Variants in ZNF33B observed in about 807,000 individuals in gnomAD.
ZNF33B encodes the protein zinc finger protein 11b (KOX 2).
A neutral mutation model predicts 45.8 loss-of-function variants in ZNF33B; 29 were observed. The ratio of observed to expected loss-of-function variants is 0.63; its 90% CI spans 0.47 to 0.86. ZNF33B has a LOEUF of 0.86. ZNF33B is among the 40% of genes least tolerant of loss of function. ZNF33B has a pLI of 0.00. For synonymous variants in ZNF33B, 305 were observed against 307.8 expected (o/e 0.99, Z 0.10); for missense variants, 831 against 909.9 (o/e 0.91, Z 1.12).
At chr10:42,577,087 C>T (rs1294086419) in intron 1 of ZNF33B, among the ~76,000 whole-genome samples, 14 of 130,134 alleles carry the variant, frequency 1.1e-4, no homozygotes, top group African/African-American at 3.5e-4. Flanking sequence ...GAGCTGAGAT[C>T]GTGCCATTGC....
At chr10:42,637,066 A>G in intron 1 of ZNF33B, 94 bp from the exon 2 acceptor site, 1 of 1,203,576 alleles carries the variant, frequency 8.3e-7, no homozygotes, top group Non-Finnish European at 1.2e-6. Flanking sequence ...CACACCCACT[A>G]GGTAAAATGC....
intron 4 of ZNF33B, among the ~76,000 whole-genome samples, chr10:42,597,577 A>G (rs576132529): frequency 6.6e-6 from 1 of 152,260 alleles, no homozygotes; most frequent in East Asian, 1.9e-4. Context: ...AGTAACATGT[A>G]TTCTTGGCAA....
rs73266642 is a variant in ZNF33B at position 42,623,545 on chromosome 10, A to G, written c.250+8384T>C. Among the ~76,000 whole-genome samples the G allele has an allele frequency of 1.5e-3, 235 of 152,368 alleles. 1 individual carries two copies. Among genetic ancestry groups the G allele is most frequent in the African/African-American group, 5.4e-3 (225 of 41,586 alleles). ...TGTTACAATACAGATGAAAGCTGAA[A>G]GCATCATGCTAAGTGAAATAAGGCA... On this transcript the variant is annotated intron_variant, in intron 4 of 4. Coordinates refer to ENST00000359467, the MANE Select transcript of ZNF33B (RefSeq NM_006955.3).
At chr10:42,587,720 C>T (rs1675392543), downstream of ZNF33B, among the ~76,000 whole-genome samples, 1 of 152,200 alleles carries the variant, frequency 6.6e-6, no homozygotes, top group African/African-American at 2.4e-5. Context: ...AGTGCCAGGC[C>T]ATGCTCAGGC....
chr10:42,623,185 T>C (rs1408919292), intron 4 of ZNF33B, among the ~76,000 whole-genome samples: 1 of 152,200 alleles, frequency 6.6e-6, no homozygotes, highest in Non-Finnish European at 1.5e-5. Flanking sequence ...GAGAATCACT[T>C]GAACACAGGA....
chr10:42,635,444 T>A (rs185133370), intron 2 of ZNF33B, among the ~76,000 whole-genome samples: 1 of 152,262 alleles, frequency 6.6e-6, no homozygotes, highest in Admixed American at 6.5e-5. Context: ...GTATTCATTA[T>A]TTGCGCCATG....
rs540744521 is a variant in ZNF33B at position 42,592,756 on chromosome 10, G to C, written c.2194C>G (p.Arg732Gly). The change falls in exon 5 of 5, where the codon CGT (arginine) becomes GGT (glycine). Residue 732 changes from arginine (R) to glycine (G), a missense_variant. Transcript: ENST00000359467. ...QCNECGKIFYRKSDLAKHQRS... is the reference protein window; with the variant it reads ...QCNECGKIFYGKSDLAKHQRS... ...TGATGTTTAGCAAGGTCTGATTTAC[G>C]GTAAAAGATTTTTCCACATTCATTA... 1.9e-6 allele frequency: 3 copies of C among 1,613,946 alleles called. No individual in the cohort carries two copies. The highest frequency in any genetic ancestry group is 2.5e-6 in the Non-Finnish European group (3 of 1,179,952).
chr10:42,631,153 T>C (rs1839033128), intron 4 of ZNF33B, among the ~76,000 whole-genome samples: 1 of 152,206 alleles, frequency 6.6e-6, no homozygotes, highest in African/African-American at 2.4e-5. Flanking sequence ...TTAATATACA[T>C]AAACATAAGT....
intron 4 of ZNF33B, among the ~76,000 whole-genome samples, chr10:42,614,631 T>C (rs1465797724): frequency 6.6e-6 from 1 of 152,102 alleles, no homozygotes; most frequent in Non-Finnish European, 1.5e-5. Flanking sequence ...ACAAAGGAGA[T>C]ACATAAATAG....
At position 42,590,086 on chromosome 10, in the gene ZNF33B, G is replaced by A. The variant is rs188192901; in HGVS notation, c.*2527C>T. The A allele has an allele frequency of 5.3e-5, 8 of 152,292 alleles. No individual in the cohort carries two copies. The highest frequency in any genetic ancestry group is 1.9e-4 in the African/African-American group (8 of 41,558). The allele number at this position is 152,292 out of a possible 1,614,324, so 9.4% of individuals were successfully genotyped here. ...CTTTGAACTGCTAATGCATGCAATGGATTGCACTGAATATCAAATGTTGAA... is the reference window on the plus strand; with the variant it reads ...CTTTGAACTGCTAATGCATGCAATGAATTGCACTGAATATCAAATGTTGAA... On this transcript the variant is annotated 3_prime_UTR_variant, in exon 5 of 5. Transcript: ENST00000359467.
At chr10:42,629,224 G>A (rs1838941438) in intron 4 of ZNF33B, among the ~76,000 whole-genome samples, 1 of 151,514 alleles carries the variant, frequency 6.6e-6, no homozygotes, top group Non-Finnish European at 1.5e-5. Context: ...TTTGTGAAAG[G>A]TAAAAATTAA....
At chr10:42,631,584 C>A (rs115395677) in intron 4 of ZNF33B, among the ~76,000 whole-genome samples, 2,552 of 152,210 alleles carry the variant, frequency 0.017, 77 homozygotes, top group African/African-American at 0.058. Flanking sequence ...ATAAAAAATT[C>A]TGACAGAAGA....
At chr10:42,604,233 T>G (rs994202004) in intron 4 of ZNF33B, among the ~76,000 whole-genome samples, 1 of 152,082 alleles carries the variant, frequency 6.6e-6, no homozygotes, top group Non-Finnish European at 1.5e-5. Flanking sequence ...TCACCTGAGG[T>G]CAGGAGTTCA....
downstream of ZNF33B, among the ~76,000 whole-genome samples, chr10:42,586,041 T>C (rs1272175971): frequency 6.6e-6 from 1 of 152,262 alleles, no homozygotes; most frequent in Non-Finnish European, 1.5e-5. Flanking sequence ...CAGTCTGTTA[T>C]TACTACACAC....
chr10:42,610,168 AAACT>A, intron 4 of ZNF33B, among the ~76,000 whole-genome samples: 1 of 152,360 alleles, frequency 6.6e-6, no homozygotes, highest in East Asian at 1.9e-4. Flanking sequence ...AACACTATTA[AAACT>A]AATAAAAGAG....
chr10:42,621,474 G>C (rs1422827471), intron 4 of ZNF33B, among the ~76,000 whole-genome samples: 1 of 151,674 alleles, frequency 6.6e-6, no homozygotes. Flanking sequence ...TATACACCAT[G>C]ACCAAGTGAC....
In ZNF33B at chr10:42,589,531, T is replaced by C. The variant is rs1837018253; in HGVS notation, c.*3082A>G. 1 of 152,200 alleles carries C rather than the reference T, an allele frequency of 6.6e-6. No individual in the cohort carries two copies. Among genetic ancestry groups the C allele is most frequent in the Non-Finnish European group, 1.5e-5 (1 of 68,032 alleles). The allele number at this position is 152,200 out of a possible 1,614,324, so 9.4% of individuals were successfully genotyped here. A position where few individuals can be genotyped will look rare whatever the true frequency, so the allele number is the denominator to read the frequency against. On this transcript the variant is annotated 3_prime_UTR_variant, in exon 5 of 5. Transcript: ENST00000359467. ...TGCCTCTCCCAGAATGTCATATAAT[T>C]GCAATCATACAACATAGAAAGCCTT...
At position 42,590,059 on chromosome 10, in the gene ZNF33B, A is replaced by G. The variant is rs763989616; in HGVS notation, c.*2554T>C. The G allele has an allele frequency of 1.3e-5, 2 of 152,220 alleles. No individual in the cohort carries two copies. The highest frequency in any genetic ancestry group is 2.9e-5 in the Non-Finnish European group (2 of 68,034). 9.4% of individuals were successfully genotyped at this position (152,220 alleles called of 1,614,324 possible). A position where few individuals can be genotyped will look rare whatever the true frequency, so the allele number is the denominator to read the frequency against. ...GTACCTATTGATATGATCATATTTA[A>G]TCTTTGAACTGCTAATGCATGCAAT... On this transcript the variant is annotated 3_prime_UTR_variant, in exon 5 of 5. Transcript: ENST00000359467.
chr10:42,582,374 GT>G (rs1836844172), intron 1 of ZNF33B: 1 of 152,218 alleles, frequency 6.6e-6, no homozygotes, highest in Non-Finnish European at 1.5e-5. Context: ...TGGATTGTGT[GT>G]TATGAAATGC....
Sources: gnomAD v4.1 joint callset for allele counts (sites outside exome capture counted in the v4.1 genomes callset) on GRCh38, gnomAD v4.1.1 for gene constraint, MANE v1.5 for transcripts, NCBI Gene and HGNC (gene_info 2026-07-23, HGNC 2026-07-21) for gene names.